CCDC85C: variants seen among roughly 807,000 people sequenced by gnomAD.
The protein encoded by CCDC85C is coiled-coil domain-containing protein 85C.
CCDC85C carries 18 observed loss-of-function variants against 38.3 expected under a neutral mutation model. The observed-to-expected ratio is 0.47, with a 90% CI of 0.33 to 0.70. The LOEUF is 0.70. CCDC85C is among the 30% of genes least tolerant of loss of function. The pLI, the probability that CCDC85C is intolerant of heterozygous loss-of-function variation, is 0.03. For missense variants in CCDC85C, 566 were observed against 621.2 expected, an observed-to-expected ratio of 0.91 and a Z score of 0.94; for synonymous variants, 264 against 293.8, an observed-to-expected ratio of 0.90 and a Z score of 1.04.
rs1384828236 is a variant in CCDC85C at position 99,569,027 on chromosome 14, CTG to C, written c.794-32941_794-32940del. Among the ~76,000 whole-genome samples, 1 of 152,158 alleles carries C rather than the reference CTG, an allele frequency of 6.6e-6. No homozygotes were observed. Among genetic ancestry groups the C allele is most frequent in the African/African-American group, 2.4e-5 (1 of 41,436 alleles). On this transcript the variant is annotated intron_variant, in intron 1 of 5. Transcript: ENST00000380243. The surrounding 1 kb of genome is among the most constrained non-coding windows in gnomAD (Gnocchi z 4.3). Reference sequence around the variant, plus strand: ...AGGTCCATGGGCTAGCTGAGGGTTCCTGGGGACCCCAGGAGGCGTCACTGCAG... The same window carrying C: ...AGGTCCATGGGCTAGCTGAGGGTTCCGGGACCCCAGGAGGCGTCACTGCAG...
intron 1 of CCDC85C, among the ~76,000 whole-genome samples, chr14:99,571,999 C>T (rs575871427): frequency 5.3e-5 from 8 of 152,286 alleles, no homozygotes; most frequent in East Asian, 1.9e-4. Context: ...GCATGTGGGC[C>T]AAGGAGCTGG....
intron 1 of CCDC85C, among the ~76,000 whole-genome samples, chr14:99,540,104 C>T (rs1435359082): frequency 2.0e-5 from 3 of 151,942 alleles, no homozygotes; most frequent in African/African-American, 2.4e-5. Flanking sequence ...GCCGAGATCA[C>T]GCCACTGCAG....
rs1897776816 is a variant in CCDC85C, at chr14:99,544,790, G to T, written c.794-8702C>A. The stretch of plus-strand genomic sequence containing the variant: ...TTGATGTTAGTGAGGTTTTCAGTCT[G>T]AGCCAAAGACCCCACAGCCTCTGAG... On this transcript the variant is annotated intron_variant, in intron 1 of 5. Transcript: ENST00000380243. This position sits in a 1 kb window ranked among gnomAD's most constrained non-coding sequence, Gnocchi z 5.3. 6.6e-6 allele frequency among the ~76,000 whole-genome samples: 1 copy of T among 152,078 alleles called. No individual in the cohort carries two copies. Among genetic ancestry groups the T allele is most frequent in the Admixed American group, 6.5e-5 (1 of 15,272 alleles).
chr14:99,510,208 C>T lies in CCDC85C; in HGVS notation c.*5038G>A, dbSNP rs1897087096. ...TTAGGTGAGGCTGAGCCGCCGGGCC[C>T]TGTGGATGCCACTGACCTCCCCAAA... On this transcript the variant is annotated 3_prime_UTR_variant, in exon 6 of 6. Coordinates refer to ENST00000380243, the MANE Select transcript of CCDC85C (RefSeq NM_001144995.2). The T allele has an allele frequency of 2.5e-6, 4 of 1,597,440 alleles. No individual in the cohort carries two copies. The highest frequency in any genetic ancestry group is 2.7e-5 in the African/African-American group (2 of 74,626).
chr14:99,552,448 T>C (rs1350241079), intron 1 of CCDC85C, among the ~76,000 whole-genome samples: 5 of 152,110 alleles, frequency 3.3e-5, no homozygotes, highest in East Asian at 1.9e-4. Context: ...AGTCAGCAGG[T>C]CTGTGCTGGC....
At chr14:99,580,790 G>A (rs1047581981) in intron 1 of CCDC85C, among the ~76,000 whole-genome samples, 3 of 152,070 alleles carry the variant, frequency 2.0e-5, no homozygotes, top group South Asian at 4.1e-4. Flanking sequence ...GCTTGAACCC[G>A]GGAGGCAGAG....
chr14:99,519,396 C>T (rs1003720839), intron 3 of CCDC85C, among the ~76,000 whole-genome samples: 4 of 151,012 alleles, frequency 2.6e-5, no homozygotes, highest in Admixed American at 6.6e-5. Context: ...GGATTATAGG[C>T]GTGAGCCACT....
intron 2 of CCDC85C, among the ~76,000 whole-genome samples, chr14:99,529,476 T>C (rs552406668): frequency 5.5e-4 from 84 of 152,294 alleles, no homozygotes; most frequent in African/African-American, 1.7e-3. Flanking sequence ...AATCTCGGCT[T>C]GCTGCAACCT....
At chr14:99,597,351 A>G (rs60647994) in intron 1 of CCDC85C, among the ~76,000 whole-genome samples, 130,961 of 152,158 alleles carry the variant, frequency 0.86, 57,825 homozygotes, top group Non-Finnish European at 0.97. Context: ...ACCAGATTGG[A>G]TTGAACACAC....
rs1371079876 is a variant in CCDC85C, at chr14:99,565,014, C to T, written c.794-28926G>A. On this transcript the variant is annotated intron_variant, in intron 1 of 5. Coordinates refer to ENST00000380243, the MANE Select transcript of CCDC85C (RefSeq NM_001144995.2). ...CCAACCGCCTTCCAAGGAGAGGGGA[C>T]GCAGACCCTCTCCCGGCAGCCCGCG... Among the ~76,000 whole-genome samples, 4 of 152,296 alleles carry T rather than the reference C, an allele frequency of 2.6e-5. No individual in the cohort carries two copies. The East Asian group carries it at 7.7e-4, about 29-fold the overall frequency.
At chr14:99,595,864 G>A (rs761031561) in intron 1 of CCDC85C, among the ~76,000 whole-genome samples, 2 of 152,228 alleles carry the variant, frequency 1.3e-5, no homozygotes, top group Non-Finnish European at 2.9e-5. Context: ...TGTTGTGGGA[G>A]GCGAGTGAGA....
At position 99,520,620 on chromosome 14, in the gene CCDC85C, G is replaced by A. The variant is rs1408683420; in HGVS notation, c.975+1513C>T. Among the ~76,000 whole-genome samples, 2 of 151,544 alleles carry A rather than the reference G, an allele frequency of 1.3e-5. No individual in the cohort carries two copies. Among genetic ancestry groups the A allele is most frequent in the Admixed American group, 6.6e-5 (1 of 15,252 alleles). ...GGGGGCCTGCCCGCCGACCAGCCCT[G>A]ATCATGGCCCCTGAACCTCAGTTTA... On this transcript the variant is annotated intron_variant, in intron 3 of 5. Transcript: ENST00000380243. This position sits in a 1 kb window ranked among gnomAD's most constrained non-coding sequence, Gnocchi z 4.1.
At chr14:99,542,125 C>A (rs758407628) in intron 1 of CCDC85C, among the ~76,000 whole-genome samples, 1 of 152,242 alleles carries the variant, frequency 6.6e-6, no homozygotes, top group Non-Finnish European at 1.5e-5. Context: ...GCTGATACCA[C>A]CGTTCAGCGC....
chr14:99,538,983 C>T lies in CCDC85C; in HGVS notation c.794-2895G>A, dbSNP rs576078229. Among the ~76,000 whole-genome samples the T allele has an allele frequency of 5.3e-5, 8 of 152,308 alleles. No individual in the cohort carries two copies. The East Asian group carries it at 1.4e-3, about 26-fold the overall frequency. On this transcript the variant is annotated intron_variant, in intron 1 of 5. Coordinates refer to ENST00000380243, the MANE Select transcript of CCDC85C (RefSeq NM_001144995.2). ...AGACAGGTGGCCACACACCCACGGC[C>T]CCAGACCAAGGGGCTGCCCCTGACA...
At chr14:99,515,640 T>A (rs75113761) in intron 5 of CCDC85C, among the ~76,000 whole-genome samples, 147 of 151,404 alleles carry the variant, frequency 9.7e-4, no homozygotes, top group Non-Finnish European at 1.7e-3. Flanking sequence ...TCGCCCCCCC[T>A]TTAAGTCCTG....
At position 99,604,109 on chromosome 14, in the gene CCDC85C, C is replaced by T; in HGVS notation, c.-150G>A. ...CGCCGCCTGGCGCGTCCTCTCGCCG[C>T]GCCCGCCGGGGCCGCCCGGGAGCCC... is the stretch of plus-strand genomic sequence containing the variant. On this transcript the variant is annotated 5_prime_UTR_variant, in exon 1 of 6. Transcript: ENST00000380243. 1 of 789,684 alleles carries T rather than the reference C, an allele frequency of 1.3e-6. No homozygotes were observed. Among genetic ancestry groups the T allele is most frequent in the Non-Finnish European group, 1.5e-6 (1 of 654,688 alleles). 48.9% of individuals were successfully genotyped at this position (789,684 alleles called of 1,614,324 possible). A position where few individuals can be genotyped will look rare whatever the true frequency, so the allele number is the denominator to read the frequency against.
Position 99,516,495 on chromosome 14 carries a change from C to T in CCDC85C, c.1072-209G>A, listed in dbSNP as rs1277227684. On this transcript the variant is annotated intron_variant, in intron 4 of 5. Coordinates refer to ENST00000380243, the MANE Select transcript of CCDC85C (RefSeq NM_001144995.2). This position sits in a 1 kb window ranked among gnomAD's most constrained non-coding sequence, Gnocchi z 5.5. ...TGGATGCCCTACAAGGGAAGCAGCTCATGGCTGGGCCACCCGGGAGGAAGT... is the reference window on the plus strand; with the variant it reads ...TGGATGCCCTACAAGGGAAGCAGCTTATGGCTGGGCCACCCGGGAGGAAGT... Among the ~76,000 whole-genome samples the T allele has an allele frequency of 1.3e-5, 2 of 152,180 alleles. No individual in the cohort carries two copies. The highest frequency in any genetic ancestry group is 1.3e-4 in the Admixed American group (2 of 15,288).
intron 1 of CCDC85C, among the ~76,000 whole-genome samples, chr14:99,557,563 T>A (rs890356755): frequency 6.6e-6 from 1 of 152,196 alleles, no homozygotes; most frequent in Non-Finnish European, 1.5e-5. Flanking sequence ...AAGTCACTCC[T>A]GGGCCCAGCA....
rs542469678 is a variant in CCDC85C at position 99,537,556 on chromosome 14, C to T, written c.794-1468G>A. Among the ~76,000 whole-genome samples the T allele has an allele frequency of 4.6e-5, 7 of 152,266 alleles. No homozygotes were observed. In the East Asian group the frequency reaches 1.4e-3, roughly 29 times the overall value. ...AGCAGGTACTGGAGCCCGGCCCGGC[C>T]GCACTCACTGCTGGGGAAGAGCGCA... On this transcript the variant is annotated intron_variant, in intron 1 of 5. Coordinates refer to ENST00000380243, the MANE Select transcript of CCDC85C (RefSeq NM_001144995.2).
Sources: gnomAD v4.1 joint callset for allele counts (sites outside exome capture counted in the v4.1 genomes callset) on GRCh38, gnomAD v4.1.1 for gene constraint, Gnocchi (gnomAD v3.1) non-coding constraint, MANE v1.5 for transcripts, NCBI Gene and HGNC (gene_info 2026-07-23, HGNC 2026-07-21) for gene names.